SPAG17: variants seen among roughly 807,000 people sequenced by gnomAD.
The protein encoded by SPAG17 is sperm-associated antigen 17.
Under a neutral mutation model 273.6 loss-of-function variants are expected in SPAG17, and 169 were observed. The ratio of observed to expected loss-of-function variants is 0.62; its 90% CI spans 0.55 to 0.70. The LOEUF is 0.70. Among genes scored for constraint, SPAG17 ranks in the 30% least tolerant of loss-of-function variants. The probability of loss-of-function intolerance (pLI) is 0.00; values close to 1 mark genes in which losing one functional copy is unlikely to be tolerated. For synonymous variants in SPAG17, 825 were observed against 873.2 expected, an observed-to-expected ratio of 0.94 and a Z score of 0.97; for missense variants, 2,557 against 2,627.8, an observed-to-expected ratio of 0.97 and a Z score of 0.59.
In SPAG17 at chr1:118,150,521, T is replaced by C; in HGVS notation, c.315+22A>G. The stretch of plus-strand genomic sequence containing the variant: ...TTTTTTCTAAAAACACAAAAATATC[T>C]TCTATAAACACTTTCACTTACCTCA... On this transcript the variant is annotated intron_variant, in intron 3 of 48. Transcript: ENST00000336338. The C allele has an allele frequency of 2.3e-6, 3 of 1,332,090 alleles. No homozygotes were observed. In the South Asian group the frequency reaches 4.4e-5, roughly 20 times the overall value. 82.5% of individuals were successfully genotyped at this position (1,332,090 alleles called of 1,614,324 possible).
chr1:118,097,819 C>T lies in SPAG17; in HGVS notation c.862G>A (p.Ala288Thr). 1 of 1,590,578 alleles carries T rather than the reference C, an allele frequency of 6.3e-7. No individual in the cohort carries two copies. The highest frequency in any genetic ancestry group is 1.4e-5 in the African/African-American group (1 of 73,480). Reference protein sequence around the residue: ...LEAEKLKKENAIKELKTFWKY... With the variant: ...LEAEKLKKENTIKELKTFWKY... ...CAGAAAGTTTTAAGCTCTTTTATGG[C>T]ATTTTCTTTCTTCAATTTTTCTGCT... Residue 288 changes from alanine to threonine, a missense_variant, in exon 7 of 49, where the codon GCC (alanine) becomes ACC (threonine). Transcript: ENST00000336338.
intron 3 of SPAG17, among the ~76,000 whole-genome samples, chr1:118,130,002 G>A (rs184183017): frequency 2.6e-5 from 4 of 152,306 alleles, no homozygotes; most frequent in East Asian, 3.9e-4. Flanking sequence ...AAAAGTTGTA[G>A]TGTTTCTCCA....
intron 3 of SPAG17, among the ~76,000 whole-genome samples, chr1:118,126,209 T>G (rs921135662): frequency 6.9e-6 from 1 of 144,682 alleles, no homozygotes; most frequent in African/African-American, 2.5e-5. Context: ...TATCCTTTTT[T>G]TTTTTTTTTT....
intron 29 of SPAG17, 58 bp downstream of exon 29, chr1:118,015,907 G>A (rs1659914587): frequency 6.8e-7 from 1 of 1,462,842 alleles, no homozygotes; most frequent in East Asian, 2.3e-5. Flanking sequence ...TCTTTTGGGT[G>A]TTGTTTCAGA....
chr1:118,013,570 A>C (rs1659683392), intron 29 of SPAG17, among the ~76,000 whole-genome samples: 2 of 152,146 alleles, frequency 1.3e-5, no homozygotes, highest in Non-Finnish European at 2.9e-5. Flanking sequence ...TTACTCATCC[A>C]CAAAATGGAG....
rs151194110 is a variant in SPAG17 at position 118,067,514 on chromosome 1, C to T, written c.2386-615G>A. Reference sequence around the variant, plus strand: ...CTCTCTCTGCCATGTGAGGACACAACGCAAAGGCACAAGCCAGGAAGGGAG... The same window carrying T: ...CTCTCTCTGCCATGTGAGGACACAATGCAAAGGCACAAGCCAGGAAGGGAG... On this transcript the variant is annotated intron_variant, in intron 17 of 48. Transcript: ENST00000336338. 4.6e-3 allele frequency among the ~76,000 whole-genome samples: 704 copies of T among 152,284 alleles called. 3 individuals are homozygous for T. Among genetic ancestry groups the T allele is most frequent in the African/African-American group, 0.016 (668 of 41,558 alleles).
At chr1:118,143,863 T>TCC (rs987032136) in intron 3 of SPAG17, among the ~76,000 whole-genome samples, 1 of 152,098 alleles carries the variant, frequency 6.6e-6, no homozygotes, top group African/African-American at 2.4e-5. Context: ...TGGCTGGCCC[T>TCC]CCACTGAGGT....
intron 1 of SPAG17, among the ~76,000 whole-genome samples, chr1:118,160,785 G>A (rs929414567): frequency 1.1e-4 from 17 of 152,220 alleles, no homozygotes; most frequent in African/African-American, 3.9e-4. Context: ...GTCTGACCAT[G>A]TGTTCTGATT....
intron 3 of SPAG17, among the ~76,000 whole-genome samples, chr1:118,144,614 CAG>C (rs1658869024): frequency 6.6e-6 from 1 of 152,088 alleles, no homozygotes; most frequent in Non-Finnish European, 1.5e-5. Flanking sequence ...AATGTTCCAT[CAG>C]GGGTTATTTC....
chr1:117,955,224 G>A, intron 48 of SPAG17: 2 of 1,054,806 alleles, frequency 1.9e-6, no homozygotes, highest in Non-Finnish European at 2.8e-6. Flanking sequence ...GTAAGAAGGA[G>A]GGGTTCCTGT....
At chr1:118,020,851 A>G (rs1008619407) in intron 28 of SPAG17, among the ~76,000 whole-genome samples, 1 of 152,192 alleles carries the variant, frequency 6.6e-6, no homozygotes, top group Admixed American at 6.5e-5. Context: ...AAAGAATAGT[A>G]ATAATTTATA....
chr1:118,073,553 G>A (rs918858633), intron 17 of SPAG17, among the ~76,000 whole-genome samples: 1 of 152,028 alleles, frequency 6.6e-6, no homozygotes, highest in African/African-American at 2.4e-5. Flanking sequence ...ACCTTACTTT[G>A]TTTTTAGAAA....
chr1:118,048,582 C>T (rs549621817), intron 20 of SPAG17, among the ~76,000 whole-genome samples: 180 of 152,166 alleles, frequency 1.2e-3, no homozygotes, highest in South Asian at 3.3e-3. Flanking sequence ...AAGGAGGAGA[C>T]ATTACAAATG....
intron 29 of SPAG17, among the ~76,000 whole-genome samples, chr1:118,014,158 C>T (rs1048866463): frequency 6.6e-6 from 1 of 152,116 alleles, no homozygotes; most frequent in Non-Finnish European, 1.5e-5. Context: ...TTAGTTGCCT[C>T]ATCTATAAAA....
Position 118,008,052 on chromosome 1 carries a change from T to A in SPAG17, c.4579A>T (p.Thr1527Ser). ...GTTIIAKPQG[T>S]YQVLPPNTGS... ...TTTCCTCGTAGACCTACCTGGTATGTTCCCTGTGGCTTTGCAATAATAGTT... is the reference window on the plus strand; with the variant it reads ...TTTCCTCGTAGACCTACCTGGTATGATCCCTGTGGCTTTGCAATAATAGTT... Residue 1527 changes from threonine to serine, a missense_variant, in exon 31 of 49, where the codon ACA (threonine) becomes TCA (serine). Transcript: ENST00000336338. 6.2e-7 allele frequency: 1 copy of A among 1,614,006 alleles called. No homozygotes were observed. The highest frequency in any genetic ancestry group is 8.5e-7 in the Non-Finnish European group (1 of 1,179,928).
chr1:117,995,419 C>T (rs1657543879), intron 34 of SPAG17, among the ~76,000 whole-genome samples: 1 of 152,002 alleles, frequency 6.6e-6, no homozygotes, highest in African/African-American at 2.4e-5. Flanking sequence ...TAACACCCAG[C>T]CAGTGTTTAG....
At chr1:118,098,663 T>C (rs1210000939) in intron 6 of SPAG17, among the ~76,000 whole-genome samples, 1 of 152,142 alleles carries the variant, frequency 6.6e-6, no homozygotes, top group Non-Finnish European at 1.5e-5. Context: ...AATAGCTGCC[T>C]CTAGACTGAG....
intron 3 of SPAG17, among the ~76,000 whole-genome samples, chr1:118,146,553 T>C (rs540873176): frequency 3.3e-5 from 5 of 152,218 alleles, no homozygotes; most frequent in Non-Finnish European, 5.9e-5. Flanking sequence ...TAGCATATAT[T>C]ATACCATATA....
intron 3 of SPAG17, among the ~76,000 whole-genome samples, chr1:118,138,106 T>TGG (rs771267265): frequency 8.5e-5 from 13 of 152,172 alleles, no homozygotes; most frequent in Non-Finnish European, 1.5e-4. Context: ...ATGACCCTTT[T>TGG]GGCTGGAAGT....
Sources: allele counts gnomAD v4.1 joint callset (sites outside exome capture counted in the v4.1 genomes callset), GRCh38; gene constraint gnomAD v4.1.1; transcripts MANE v1.5; gene names NCBI Gene and HGNC (gene_info 2026-07-23, HGNC 2026-07-21).